USH2A: variants seen among roughly 807,000 people sequenced by gnomAD.
USH2A encodes the protein Usher syndrome 2A (autosomal recessive, mild).
A neutral mutation model predicts 538.9 loss-of-function variants in USH2A; 443 were observed. The observed-to-expected ratio is 0.82, with a 90% CI of 0.76 to 0.89. The LOEUF is 0.89. USH2A is among the 40% of genes least tolerant of loss of function. USH2A has a pLI of 0.00. For missense variants in USH2A, 6,633 were observed against 6,324.8 expected, an observed-to-expected ratio of 1.05 and a Z score of -1.65; for synonymous variants, 2,413 against 2,273.5, an observed-to-expected ratio of 1.06 and a Z score of -1.75.
At chr1:215,690,301 G>T (rs967337779) in intron 61 of USH2A, among the ~76,000 whole-genome samples, 5 of 152,124 alleles carry the variant, frequency 3.3e-5, no homozygotes, top group Non-Finnish European at 5.9e-5. Flanking sequence ...CACTAAGGTG[G>T]CTGGCCATCC....
chr1:215,788,059 A>G (rs535384807), intron 51 of USH2A, among the ~76,000 whole-genome samples: 11 of 152,182 alleles, frequency 7.2e-5, no homozygotes, highest in Admixed American at 2.6e-4. Context: ...GTGTGTATCT[A>G]TCTATCTATA....
chr1:216,246,885 G>C lies in USH2A; in HGVS notation c.2509C>G (p.Arg837Gly). ...NKCLEGNFYLRQNNSFLCLPC... is the reference protein window; with the variant it reads ...NKCLEGNFYLGQNNSFLCLPC... ...AGACAGAGGAAAGAATTATTTTGCCGTAGGTAGAAGTTTCCCTCCAAACAT... is the reference window on the plus strand; with the variant it reads ...AGACAGAGGAAAGAATTATTTTGCCCTAGGTAGAAGTTTCCCTCCAAACAT... The change falls in exon 13 of 72, where the codon CGG (arginine) becomes GGG (glycine). Residue 837 changes from arginine to glycine, a missense_variant. Transcript: ENST00000307340. 5.6e-6 allele frequency: 9 copies of C among 1,614,128 alleles called. No individual in the cohort carries two copies. The highest frequency in any genetic ancestry group is 7.6e-6 in the Non-Finnish European group (9 of 1,179,972).
intron 30 of USH2A, among the ~76,000 whole-genome samples, chr1:216,054,601 T>A (rs942624699): frequency 1.3e-5 from 2 of 152,246 alleles, no homozygotes; most frequent in African/African-American, 4.8e-5. Flanking sequence ...GCCGAGCATA[T>A]TTCAGAGAAG....
intron 21 of USH2A, among the ~76,000 whole-genome samples, chr1:216,132,535 A>G (rs1234923219): frequency 1.3e-5 from 2 of 152,082 alleles, no homozygotes; most frequent in African/African-American, 4.8e-5. Context: ...TGCTTTTTCA[A>G]CTAGTGACCC....
intron 40 of USH2A, among the ~76,000 whole-genome samples, chr1:215,896,092 T>C (rs1665333144): frequency 6.6e-6 from 1 of 152,232 alleles, no homozygotes; most frequent in Admixed American, 6.5e-5. Context: ...AATATCACTG[T>C]GTCATCAAAA....
Position 215,674,171 on chromosome 1 carries a change from T to C in USH2A, c.13740A>G (p.Ile4580Met), listed in dbSNP as rs1416382135. The change falls in exon 63 of 72, where the codon ATA becomes ATG. Residue 4580 changes from isoleucine to methionine, a missense_variant. Ile to Met is a conservative substitution (Grantham distance 10). Coordinates refer to ENST00000307340, the MANE Select transcript of USH2A (RefSeq NM_206933.4). Reference sequence around the variant, plus strand: ...AAGAATTATGAGTTGTGTTTATGTGTATGATTTTAGTTTCTCTTTCAAATA... The same window carrying C: ...AAGAATTATGAGTTGTGTTTATGTGCATGATTTTAGTTTCTCTTTCAAATA... ...RELFERETKI[I>M]HINTTHNSFG... The C allele has an allele frequency of 1.2e-6, 2 of 1,614,136 alleles. No individual in the cohort carries two copies. Among genetic ancestry groups the C allele is most frequent in the Admixed American group, 1.7e-5 (1 of 60,024 alleles).
intron 44 of USH2A, among the ~76,000 whole-genome samples, chr1:215,864,040 G>A (rs1472398683): frequency 1.3e-5 from 2 of 152,044 alleles, no homozygotes; most frequent in African/African-American, 2.4e-5. Flanking sequence ...GGCCACAACT[G>A]ACTTCCTTAG....
intron 32 of USH2A, among the ~76,000 whole-genome samples, chr1:216,023,189 A>G (rs1270395508): frequency 6.6e-6 from 1 of 152,046 alleles, no homozygotes; most frequent in Non-Finnish European, 1.5e-5. Context: ...CTATATCTAT[A>G]TATCTACCTG....
intron 4 of USH2A, among the ~76,000 whole-genome samples, chr1:216,334,560 C>T (rs2037933298): frequency 6.6e-6 from 1 of 151,626 alleles, no homozygotes. Flanking sequence ...CAAACATGAC[C>T]CCCTATAGGA....
intron 21 of USH2A, among the ~76,000 whole-genome samples, chr1:216,122,530 T>C (rs529724076): frequency 2.9e-4 from 44 of 152,202 alleles, no homozygotes; most frequent in Non-Finnish European, 2.5e-4. Flanking sequence ...CAGGCAGCAA[T>C]ACTGGTTTTA....
intron 61 of USH2A, among the ~76,000 whole-genome samples, chr1:215,698,397 A>G (rs1370459801): frequency 1.3e-5 from 2 of 152,180 alleles, no homozygotes; most frequent in Non-Finnish European, 2.9e-5. Flanking sequence ...AGGAATCACC[A>G]CACTGTCTTC....
At chr1:215,810,916 C>T (rs1270330012) in intron 49 of USH2A, among the ~76,000 whole-genome samples, 1 of 152,048 alleles carries the variant, frequency 6.6e-6, no homozygotes, top group East Asian at 1.9e-4. Context: ...GAAATAACAG[C>T]ACTGCTATAC....
At chr1:216,283,092 CTGT>C (rs1211412366) in intron 11 of USH2A, among the ~76,000 whole-genome samples, 1 of 151,740 alleles carries the variant, frequency 6.6e-6, no homozygotes, top group Non-Finnish European at 1.5e-5. Context: ...AGGTTTTTTT[CTGT>C]TGTTGTTGTT....
chr1:215,762,348 A>G (rs993432018), intron 56 of USH2A, among the ~76,000 whole-genome samples: 1 of 152,202 alleles, frequency 6.6e-6, no homozygotes, highest in Admixed American at 6.6e-5. Flanking sequence ...AGGTACTAGA[A>G]TGGCTATTGC....
intron 32 of USH2A, among the ~76,000 whole-genome samples, chr1:216,006,919 T>C (rs1668406121): frequency 6.6e-6 from 1 of 152,238 alleles, no homozygotes; most frequent in Admixed American, 6.5e-5. Context: ...TGATATGGTT[T>C]GGCTATGTCC....
intron 3 of USH2A, among the ~76,000 whole-genome samples, chr1:216,378,345 G>T (rs1045092860): frequency 2.0e-5 from 3 of 152,062 alleles, no homozygotes; most frequent in African/African-American, 7.2e-5. Context: ...TTACAGCAAT[G>T]GACATTTCTA....
chr1:216,381,896 C>T (rs941356271), intron 3 of USH2A, among the ~76,000 whole-genome samples: 5 of 152,138 alleles, frequency 3.3e-5, no homozygotes, highest in African/African-American at 7.2e-5. Flanking sequence ...TGTGCATAGT[C>T]GGATTTTACA....
intron 3 of USH2A, among the ~76,000 whole-genome samples, chr1:216,402,602 A>G (rs1558072879): frequency 6.6e-6 from 1 of 152,166 alleles, no homozygotes; most frequent in South Asian, 2.1e-4. Context: ...TATCTTCCTT[A>G]TAATTATCTT....
chr1:216,286,589 T>C (rs1167488327), intron 11 of USH2A, among the ~76,000 whole-genome samples: 1 of 151,898 alleles, frequency 6.6e-6, no homozygotes, highest in East Asian at 1.9e-4. Flanking sequence ...CCAGGCATGG[T>C]GGTGAGCATC....
Sources: gnomAD v4.1 joint callset for allele counts (sites outside exome capture counted in the v4.1 genomes callset) on GRCh38, gnomAD v4.1.1 for gene constraint, MANE v1.5 for transcripts, NCBI Gene and HGNC (gene_info 2026-07-23, HGNC 2026-07-21) for gene names.